The following SCNN1A variants were observed in gnomAD, a reference collection of about 807,000 sequenced individuals.
SCNN1A encodes sodium channel epithelial 1 subunit alpha, also known as epithelial sodium channel subunit alpha.
A neutral mutation model predicts 68.6 loss-of-function variants in SCNN1A; 65 were observed. The observed-to-expected ratio is 0.95, with a 90% CI of 0.78 to 1.16. The LOEUF (loss-of-function observed/expected upper bound fraction) is 1.16. Ranked by LOEUF, SCNN1A falls within the 50% of genes most tolerant of loss-of-function variation. The pLI is 0.00. For synonymous variants in SCNN1A, 357 were observed against 353.3 expected, an observed-to-expected ratio of 1.01 and a Z score of -0.12; for missense variants, 880 against 865.9, an observed-to-expected ratio of 1.02 and a Z score of -0.20.
chr12:6,367,255 T>C (rs1167204223), intron 2 of SCNN1A, among the ~76,000 whole-genome samples: 1 of 152,140 alleles, frequency 6.6e-6, no homozygotes, highest in Non-Finnish European at 1.5e-5. Flanking sequence ...TAAAAAAGAA[T>C]GGCAATCATA....
Position 6,354,480 on chromosome 12 carries a change from G to A in SCNN1A, c.1318C>T (p.Gln440Ter). Residue 440 changes from glutamine to a stop codon, truncating the protein, a stop_gained, in exon 8 of 13, where the codon CAG becomes TAG. Transcript: ENST00000228916. LOFTEE classifies it high-confidence loss of function. ...GCAYIFYPRP[Q>*]NVEYCDYRKH... Reference sequence around the variant, plus strand: ...CTGTAGTCACAGTACTCCACGTTCTGGGGCCGCGGATAGAAGATGTAGGCA... The same window carrying A: ...CTGTAGTCACAGTACTCCACGTTCTAGGGCCGCGGATAGAAGATGTAGGCA... 6.2e-7 allele frequency: 1 copy of A among 1,613,506 alleles called. No homozygotes were observed. Among genetic ancestry groups the A allele is most frequent in the Non-Finnish European group, 8.5e-7 (1 of 1,179,940 alleles).
Position 6,363,342 on chromosome 12 carries a change from T to C in SCNN1A, c.684+101A>G, listed in dbSNP as rs971098438. ...CCCACGAGGCCCCGCGTGGTGTCACTGGGCTGCGCGGGCGGGTCAGGAAAG... is the reference window on the plus strand; with the variant it reads ...CCCACGAGGCCCCGCGTGGTGTCACCGGGCTGCGCGGGCGGGTCAGGAAAG... On this transcript the variant is annotated intron_variant, in intron 3 of 12. Coordinates refer to ENST00000228916, the MANE Select transcript of SCNN1A (RefSeq NM_001038.6). 1,520 of 1,056,946 alleles carry C rather than the reference T, an allele frequency of 1.4e-3. 1 individual carries two copies. The highest frequency in any genetic ancestry group is 2.3e-3 in the Middle Eastern group (7 of 3,076). The allele number at this position is 1,056,946 out of a possible 1,614,324, so 65.5% of individuals were successfully genotyped here. A position where few individuals can be genotyped will look rare whatever the true frequency, so the allele number is the denominator to read the frequency against.
At chr12:6,349,639 T>G (rs924318662) in intron 8 of SCNN1A, among the ~76,000 whole-genome samples, 2 of 152,020 alleles carry the variant, frequency 1.3e-5, no homozygotes, top group African/African-American at 4.8e-5. Flanking sequence ...GGCCAGGAGT[T>G]CAAGGTTGCA....
intron 4 of SCNN1A, among the ~76,000 whole-genome samples, chr12:6,357,051 C>G (rs190552846): frequency 6.6e-6 from 1 of 152,256 alleles, no homozygotes; most frequent in Non-Finnish European, 1.5e-5. Flanking sequence ...GCGTGACATA[C>G]TGGTGCACAT....
intron 2 of SCNN1A, among the ~76,000 whole-genome samples, chr12:6,367,048 G>A (rs1948692206): frequency 6.6e-6 from 1 of 152,128 alleles, no homozygotes; most frequent in Non-Finnish European, 1.5e-5. Context: ...GACCAGCCTG[G>A]GCAACACGAC....
chr12:6,358,199 G>A (rs1048990173), intron 4 of SCNN1A, among the ~76,000 whole-genome samples: 1 of 152,190 alleles, frequency 6.6e-6, no homozygotes, highest in African/African-American at 2.4e-5. Flanking sequence ...TTAGAATGGT[G>A]TCTAGCCTTA....
Position 6,355,862 on chromosome 12 carries a change from G to A in SCNN1A, c.894C>T (p.His298=). ...SCNQANYSHF[H]HPMYGNCYTF... ...TATAGCAGTTTCCATACATCGGGTG[G>A]TGGAAGTGAGAGTAATTCCTTATCA... Residue 298 remains histidine (H), a synonymous_variant, in exon 5 of 13, where the codon CAC becomes CAT. Transcript: ENST00000228916. 6.2e-7 allele frequency: 1 copy of A among 1,610,070 alleles called. No homozygotes were observed. Among genetic ancestry groups the A allele is most frequent in the Admixed American group, 1.7e-5 (1 of 60,022 alleles).
chr12:6,361,930 T>G, intron 4 of SCNN1A, 121 bp downstream of exon 4: 1 of 1,117,596 alleles, frequency 8.9e-7, no homozygotes, highest in East Asian at 2.3e-5. Flanking sequence ...CCCCCTGGCC[T>G]GCTGGCACTG....
At chr12:6,349,852 G>C in intron 8 of SCNN1A, 1 of 177,128 alleles carries the variant, frequency 5.6e-6, no homozygotes, top group Non-Finnish European at 1.2e-5. Context: ...TCAGCCTCCG[G>C]AGTAGCTGGG....
intron 4 of SCNN1A, among the ~76,000 whole-genome samples, chr12:6,359,612 CTT>C (rs1016863801): frequency 6.6e-6 from 1 of 152,094 alleles, no homozygotes; most frequent in African/African-American, 2.4e-5. Flanking sequence ...CTCTCTCTCT[CTT>C]GCCCCCTCTC....
At chr12:6,358,327 T>C (rs1457776872) in intron 4 of SCNN1A, among the ~76,000 whole-genome samples, 2 of 152,194 alleles carry the variant, frequency 1.3e-5, no homozygotes, top group Non-Finnish European at 2.9e-5. Flanking sequence ...CATACATTGC[T>C]GTTGGGAATG....
chr12:6,351,757 G>A lies in SCNN1A; in HGVS notation c.1361-2352C>T, dbSNP rs926487298. ...GCTTGGGACTTGCTAATGAGTACAA[G>A]GTTTATTTATTTATTTATCTGAGAC... is the stretch of plus-strand genomic sequence containing the variant. On this transcript the variant is annotated intron_variant, in intron 8 of 12. Transcript: ENST00000228916. The surrounding 1 kb of genome is among the most constrained non-coding windows in gnomAD (Gnocchi z 4.2). Among the ~76,000 whole-genome samples, 2 of 142,376 alleles carry A rather than the reference G, an allele frequency of 1.4e-5. No homozygotes were observed. Among genetic ancestry groups the A allele is most frequent in the Non-Finnish European group, 2.9e-5 (2 of 67,868 alleles). The allele number at this position is 142,376 out of a possible 152,430, so 93.4% of individuals were successfully genotyped here.
At chr12:6,368,516 AC>A (rs1367496012) in intron 2 of SCNN1A, among the ~76,000 whole-genome samples, 2 of 152,250 alleles carry the variant, frequency 1.3e-5, no homozygotes, top group African/African-American at 4.8e-5. Flanking sequence ...TAAAGAGGCA[AC>A]TTTAGGCTAA....
intron 8 of SCNN1A, among the ~76,000 whole-genome samples, chr12:6,350,340 G>C (rs1468557700): frequency 6.6e-6 from 1 of 151,380 alleles, no homozygotes; most frequent in Non-Finnish European, 1.5e-5. Context: ...GCTGAGGCAG[G>C]AGAATGGCGT....
intron 4 of SCNN1A, among the ~76,000 whole-genome samples, chr12:6,359,039 C>T (rs7296922): frequency 0.17 from 25,278 of 152,014 alleles, 4,598 homozygotes; most frequent in African/African-American, 0.46. Context: ...ATGTCCACCA[C>T]AGGCAATCCA....
rs555585105 is a variant in SCNN1A at position 6,351,495 on chromosome 12, C to T, written c.1361-2090G>A. ...AAAATTAGCTGGGCTTGGCAGCATG[C>T]GCCTGTATGTAGTCCCAGGTACTCG... On this transcript the variant is annotated intron_variant, in intron 8 of 12. Coordinates refer to ENST00000228916, the MANE Select transcript of SCNN1A (RefSeq NM_001038.6). This position sits in a 1 kb window ranked among gnomAD's most constrained non-coding sequence, Gnocchi z 4.2. 3.3e-5 allele frequency among the ~76,000 whole-genome samples: 5 copies of T among 151,976 alleles called. No homozygotes were observed. The highest frequency in any genetic ancestry group is 2.1e-4 in the South Asian group (1 of 4,812).
rs1418177167 is a variant in SCNN1A at position 6,350,259 on chromosome 12, C to T, written c.1361-854G>A. ...CATCCTGGCTAACACGGTGAAACCC[C>T]GTCTCTACTAAAAATACAAAAAATT... On this transcript the variant is annotated intron_variant, in intron 8 of 12. Coordinates refer to ENST00000228916, the MANE Select transcript of SCNN1A (RefSeq NM_001038.6). Among the ~76,000 whole-genome samples, 241 of 148,224 alleles carry T rather than the reference C, an allele frequency of 1.6e-3. 1 individual carries two copies. The highest frequency in any genetic ancestry group is 4.9e-3 in the African/African-American group (198 of 40,628).
At position 6,363,540 on chromosome 12, in the gene SCNN1A, G is replaced by A. The variant is rs752004499; in HGVS notation, c.587C>T (p.Pro196Leu). ...ACGGGCTCGACGGGCCCCGTGAGGC[G>A]GGGGCGGGACCCTCAGGCGCTGCAA... ...HPLQRLRVPP[P>L]PHGARRARSV... Residue 196 changes from proline to leucine, a missense_variant, in exon 3 of 13, where the codon CCG (proline) becomes CTG (leucine). Pro to Leu is a moderately conservative substitution (Grantham distance 98, BLOSUM62 -3). Transcript: ENST00000228916. 8.7e-6 allele frequency: 14 copies of A among 1,609,546 alleles called. No homozygotes were observed. The highest frequency in any genetic ancestry group is 1.7e-5 in the Admixed American group (1 of 59,604).
At chr12:6,366,145 C>T (rs1023025442) in intron 2 of SCNN1A, among the ~76,000 whole-genome samples, 7 of 152,118 alleles carry the variant, frequency 4.6e-5, no homozygotes, top group African/African-American at 7.2e-5. Context: ...TGAGCCACCA[C>T]GCCCAGCCGA....
Sources: allele counts gnomAD v4.1 joint callset (sites outside exome capture counted in the v4.1 genomes callset), GRCh38; gene constraint gnomAD v4.1.1; non-coding constraint Gnocchi (gnomAD v3.1); transcripts MANE v1.5; gene names NCBI Gene and HGNC (gene_info 2026-07-23, HGNC 2026-07-21).